The following UNC45B variants were observed in gnomAD, a reference collection of about 807,000 sequenced individuals.
The protein encoded by UNC45B is protein unc-45 homolog B.
In UNC45B, 78 loss-of-function variants were observed where a neutral mutation model predicts 98.7. The observed-to-expected ratio is 0.79, with a 90% confidence interval of 0.66 to 0.95. The LOEUF (loss-of-function observed/expected upper bound fraction) is 0.95, where lower values mean the gene tolerates loss of function less well. Ranked by LOEUF, UNC45B falls within the 40% of genes least tolerant of loss-of-function variation. The pLI is 0.00. For missense variants in UNC45B, 1,225 were observed against 1,184.9 expected (o/e 1.03, Z -0.50); for synonymous variants, 462 against 480.4 (o/e 0.96, Z 0.50).
chr17:35,179,100 TG>T (rs2142593036), intron 17 of UNC45B, among the ~76,000 whole-genome samples: 1 of 152,346 alleles, frequency 6.6e-6, no homozygotes, highest in African/African-American at 2.4e-5. Context: ...AGAAAGTCAT[TG>T]GTAGCTTCAT....
At chr17:35,151,316 A>G (rs2092017813) in intron 4 of UNC45B, 1 of 164,990 alleles carries the variant, frequency 6.1e-6, no homozygotes, top group Non-Finnish European at 1.4e-5. Context: ...GGTCTTCCGT[A>G]CGCCACATTT....
intron 19 of UNC45B, among the ~76,000 whole-genome samples, chr17:35,185,999 G>A (rs1219222791): frequency 6.6e-6 from 1 of 152,134 alleles, no homozygotes; most frequent in Non-Finnish European, 1.5e-5. Flanking sequence ...CTGTGTCATA[G>A]CATGATTTAG....
At chr17:35,185,647 A>G (rs1221307411) in intron 19 of UNC45B, among the ~76,000 whole-genome samples, 1 of 151,872 alleles carries the variant, frequency 6.6e-6, no homozygotes, top group African/African-American at 2.4e-5. Flanking sequence ...CCCTGCATCC[A>G]CTTCTACTTG....
chr17:35,170,009 G>A, intron 11 of UNC45B, 78 bp downstream of exon 11: 5 of 1,609,600 alleles, frequency 3.1e-6, no homozygotes, highest in Non-Finnish European at 4.3e-6. Flanking sequence ...GTGCTCTAGT[G>A]GAGTGTGAAA....
intron 19 of UNC45B, among the ~76,000 whole-genome samples, chr17:35,183,918 T>G (rs190249422): frequency 1.3e-5 from 2 of 152,030 alleles, no homozygotes; most frequent in African/African-American, 2.4e-5. Context: ...ACGGATGTGG[T>G]TGGGATGCCA....
Position 35,168,987 on chromosome 17 carries a change from G to A in UNC45B, c.1452+626G>A, listed in dbSNP as rs560060260. Reference sequence around the variant, plus strand: ...CTCCCAAAGTGCTGGGATTACAGGCGTGAGCCACTGTGCCTGGCCTGAAAT... The same window carrying A: ...CTCCCAAAGTGCTGGGATTACAGGCATGAGCCACTGTGCCTGGCCTGAAAT... On this transcript the variant is annotated intron_variant, in intron 10 of 19. Coordinates refer to ENST00000394570, the MANE Select transcript of UNC45B (RefSeq NM_001267052.2). 3.8e-4 allele frequency among the ~76,000 whole-genome samples: 58 copies of A among 152,144 alleles called. No individual in the cohort carries two copies. The South Asian group carries it at 5.2e-3, about 14-fold the overall frequency.
chr17:35,167,771 C>A (rs190542922), intron 9 of UNC45B, among the ~76,000 whole-genome samples: 15 of 152,328 alleles, frequency 9.8e-5, no homozygotes, highest in Non-Finnish European at 1.3e-4. Flanking sequence ...CAAGAGCTCT[C>A]TCTAATAAAC....
At chr17:35,172,337 C>T (rs946434699) in intron 13 of UNC45B, among the ~76,000 whole-genome samples, 4 of 150,884 alleles carry the variant, frequency 2.7e-5, no homozygotes, top group Non-Finnish European at 5.9e-5. Flanking sequence ...GCAACCTCTG[C>T]CTCCCAGGTT....
At chr17:35,179,845 G>A (rs1435805567) in intron 17 of UNC45B, among the ~76,000 whole-genome samples, 5 of 152,026 alleles carry the variant, frequency 3.3e-5, no homozygotes, top group African/African-American at 1.2e-4. Context: ...GCACGCACAT[G>A]TATACCTATG....
At chr17:35,170,001 G>A (rs1440691987) in intron 11 of UNC45B, 70 bp downstream of exon 11, 5 of 1,610,664 alleles carry the variant, frequency 3.1e-6, no homozygotes, top group Middle Eastern at 1.7e-4. Context: ...TCTGGGGTGT[G>A]CTCTAGTGGA....
intron 2 of UNC45B, 93 bp downstream of exon 2, chr17:35,148,524 A>G (rs2091992838): frequency 4.2e-6 from 6 of 1,425,756 alleles, no homozygotes; most frequent in Non-Finnish European, 5.7e-6. Context: ...ATTGCCCTTC[A>G]TCCCAGCCGA....
At position 35,154,619 on chromosome 17, in the gene UNC45B, G is replaced by A. The variant is rs768039568; in HGVS notation, c.517G>A (p.Glu173Lys). 6.2e-7 allele frequency: 1 copy of A among 1,613,568 alleles called. No homozygotes were observed. Among genetic ancestry groups the A allele is most frequent in the South Asian group, 1.1e-5 (1 of 90,970 alleles). Residue 173 changes from glutamate to lysine, a missense_variant, in exon 6 of 20, where the codon GAG becomes AAG. Coordinates refer to ENST00000394570, the MANE Select transcript of UNC45B (RefSeq NM_001267052.2). ...CCTAGGCCGTGAGGAAGCAGGGGCT[G>A]AGAAGATCTTCCAGAACAATGGAGT... ...IVLGREEAGA[E>K]KIFQNNGVAL... is the part of the protein sequence containing the mutation.
chr17:35,155,022 A>G (rs1483389069), intron 6 of UNC45B, among the ~76,000 whole-genome samples: 2 of 152,216 alleles, frequency 1.3e-5, no homozygotes, highest in Admixed American at 6.5e-5. Context: ...ACTACAGCAT[A>G]TCTCCATATG....
At position 35,180,722 on chromosome 17, in the gene UNC45B, G is replaced by T. The variant is rs144273754; in HGVS notation, c.2373+46G>T. On this transcript the variant is annotated intron_variant, in intron 18 of 19. Transcript: ENST00000394570. ...GGAGACCCGGGCGTGATCAAGGCAC[G>T]AGAGGCAGGCCAGGGTCAGGGCCTG... 2,137 of 1,506,664 alleles carry T rather than the reference G, an allele frequency of 1.4e-3. 4 individuals carry two copies. The highest frequency in any genetic ancestry group is 1.8e-3 in the Non-Finnish European group (1,940 of 1,086,716). The allele number at this position is 1,506,664 out of a possible 1,614,324, so 93.3% of individuals were successfully genotyped here. A position where few individuals can be genotyped will look rare whatever the true frequency, so the allele number is the denominator to read the frequency against.
At chr17:35,180,002 C>A (rs1328458812) in intron 17 of UNC45B, among the ~76,000 whole-genome samples, 1 of 151,946 alleles carries the variant, frequency 6.6e-6, no homozygotes, top group East Asian at 1.9e-4. Context: ...CTTTTGGTTG[C>A]CAGTAGCAGA....
intron 8 of UNC45B, among the ~76,000 whole-genome samples, chr17:35,163,259 A>T (rs1292358649): frequency 6.6e-6 from 1 of 152,144 alleles, no homozygotes; most frequent in Non-Finnish European, 1.5e-5. Flanking sequence ...ACCCTTCTAT[A>T]CTTATCACAT....
chr17:35,148,526 C>A, intron 2 of UNC45B, 95 bp downstream of exon 2: 3 of 1,402,838 alleles, frequency 2.1e-6, no homozygotes, highest in Non-Finnish European at 2.9e-6. Flanking sequence ...TGCCCTTCAT[C>A]CCAGCCGACT....
Position 35,164,098 on chromosome 17 carries a change from G to A in UNC45B, c.1083G>A (p.Lys361=). Residue 361 remains lysine, a synonymous_variant, in exon 9 of 20, where the codon AAG becomes AAA. Transcript: ENST00000394570. The part of the protein sequence containing the change: ...TRMLASILIN[K]LYDDLRCDPE... ...TGCTGGCCTCTATCCTCATCAACAA[G>A]CTCTATGATGACCTGCGCTGTGACC... 6.2e-7 allele frequency: 1 copy of A among 1,614,046 alleles called. No individual in the cohort carries two copies. Among genetic ancestry groups the A allele is most frequent in the Non-Finnish European group, 8.5e-7 (1 of 1,179,988 alleles).
chr17:35,184,746 C>T (rs973706632), intron 19 of UNC45B, among the ~76,000 whole-genome samples: 2 of 152,194 alleles, frequency 1.3e-5, no homozygotes, highest in Admixed American at 6.5e-5. Context: ...GGATTGCCAA[C>T]CCACTCCTGG....
Sources: gnomAD v4.1 joint callset for allele counts (sites outside exome capture counted in the v4.1 genomes callset) on GRCh38, gnomAD v4.1.1 for gene constraint, MANE v1.5 for transcripts, NCBI Gene and HGNC (gene_info 2026-07-23, HGNC 2026-07-21) for gene names.